Variants in PTPRO observed in about 807,000 individuals in gnomAD.
PTPRO encodes the protein protein tyrosine phosphatase receptor type O.
PTPRO carries 62 observed loss-of-function variants against 145.2 expected under a neutral mutation model. The observed-to-expected ratio is 0.43, with a 90% CI of 0.35 to 0.53. PTPRO has a LOEUF of 0.53. PTPRO is among the 20% of genes least tolerant of loss of function. PTPRO has a pLI of 0.01. For missense variants in PTPRO, 1,345 were observed against 1,482.7 expected (o/e 0.91, Z 1.53); for synonymous variants, 565 against 514.7 (o/e 1.10, Z -1.32).
intron 19 of PTPRO, among the ~76,000 whole-genome samples, chr12:15,575,311 T>C (rs11056569): frequency 0.3 from 46,328 of 152,136 alleles, 8,822 homozygotes; most frequent in African/African-American, 0.54. Context: ...AGAGGCCAGG[T>C]TCCTTCCCCA....
intron 12 of PTPRO, among the ~76,000 whole-genome samples, chr12:15,537,177 C>A (rs910744487): frequency 6.6e-6 from 1 of 151,948 alleles, no homozygotes; most frequent in South Asian, 2.1e-4. Flanking sequence ...TCCTATGAAA[C>A]CATTAAATAA....
Position 15,426,277 on chromosome 12 carries a change from C to T in PTPRO, c.76-57697C>T, listed in dbSNP as rs549678786. Among the ~76,000 whole-genome samples the T allele has an allele frequency of 2.6e-5, 4 of 151,836 alleles. No individual in the cohort carries two copies. In the South Asian group the frequency reaches 6.2e-4, roughly 24 times the overall value. ...TGCATGTCTTTCATGTATATAATTG[C>T]TATATTAAATTATCTTATTAATTCT... is the stretch of plus-strand genomic sequence containing the variant. On this transcript the variant is annotated intron_variant, in intron 1 of 26. Transcript: ENST00000281171.
At chr12:15,415,424 G>A (rs563116114) in intron 1 of PTPRO, among the ~76,000 whole-genome samples, 35 of 146,802 alleles carry the variant, frequency 2.4e-4, no homozygotes, top group Middle Eastern at 3.5e-3. Context: ...TCGCTCTGTC[G>A]CCCAGGCTGG....
At chr12:15,423,162 A>T (rs1194159383) in intron 1 of PTPRO, among the ~76,000 whole-genome samples, 1 of 152,164 alleles carries the variant, frequency 6.6e-6, no homozygotes, top group Admixed American at 6.5e-5. Flanking sequence ...AGAGAGGAGC[A>T]CTGAGCCCTG....
At chr12:15,430,395 T>C (rs546322476) in intron 1 of PTPRO, among the ~76,000 whole-genome samples, 2 of 152,180 alleles carry the variant, frequency 1.3e-5, no homozygotes, top group East Asian at 3.9e-4. Context: ...GGCAAATTCC[T>C]CCTTGACTTG....
Position 15,551,607 on chromosome 12 carries a change from C to A in PTPRO, c.2494C>A (p.Leu832Ile), listed in dbSNP as rs1943461997. 1 of 1,613,530 alleles carries A rather than the reference C, an allele frequency of 6.2e-7. No individual in the cohort carries two copies. Among genetic ancestry groups the A allele is most frequent in the African/African-American group, 1.3e-5 (1 of 74,892 alleles). Residue 832 changes from leucine to isoleucine, a missense_variant, in exon 15 of 27, where the codon CTT becomes ATT. This residue lies in a region of PTPRO where 1,130 missense variants were observed against 1,214.7 expected (regional missense o/e 0.93). Coordinates refer to ENST00000281171, the MANE Select transcript of PTPRO (RefSeq NM_030667.3). ...VISVLAILSTLLIGLLLVTLI... is the reference protein window; with the variant it reads ...VISVLAILSTILIGLLLVTLI... ...CTCCGTGCTGGCCATCCTTAGCACA[C>A]TTTTAATTGGACTGTTGCTTGTTAC...
intron 7 of PTPRO, among the ~76,000 whole-genome samples, chr12:15,509,420 G>T (rs1186315765): frequency 2.0e-5 from 3 of 151,770 alleles, no homozygotes; most frequent in Non-Finnish European, 4.4e-5. Flanking sequence ...AAGTAGGCTG[G>T]GTGTGGGGGC....
At chr12:15,424,376 C>T (rs1940226984) in intron 1 of PTPRO, among the ~76,000 whole-genome samples, 1 of 152,030 alleles carries the variant, frequency 6.6e-6, no homozygotes, top group Non-Finnish European at 1.5e-5. Flanking sequence ...AGGAATGGAT[C>T]TATTAACTAC....
chr12:15,472,019 G>A (rs1941553098), intron 1 of PTPRO, among the ~76,000 whole-genome samples: 1 of 152,224 alleles, frequency 6.6e-6, no homozygotes, highest in Non-Finnish European at 1.5e-5. Flanking sequence ...AATGTCTGCA[G>A]AGAATCATGG....
intron 1 of PTPRO, among the ~76,000 whole-genome samples, chr12:15,384,452 C>A (rs1418386644): frequency 1.3e-5 from 2 of 152,106 alleles, no homozygotes; most frequent in Non-Finnish European, 2.9e-5. Flanking sequence ...GAGGTTCTGG[C>A]TGATTTGATT....
intron 10 of PTPRO, among the ~76,000 whole-genome samples, chr12:15,523,203 T>C (rs1942763999): frequency 6.6e-6 from 1 of 152,246 alleles, no homozygotes; most frequent in South Asian, 2.1e-4. Context: ...TAGTTATGAA[T>C]GTTTGTTGTA....
At chr12:15,355,239 C>T (rs1937947855) in intron 1 of PTPRO, among the ~76,000 whole-genome samples, 1 of 152,110 alleles carries the variant, frequency 6.6e-6, no homozygotes, top group Admixed American at 6.6e-5. Context: ...TCTTTTACTC[C>T]CCAAAATCTT....
At chr12:15,588,900 A>G (rs1395036892) in intron 24 of PTPRO, among the ~76,000 whole-genome samples, 1 of 152,160 alleles carries the variant, frequency 6.6e-6, no homozygotes, top group African/African-American at 2.4e-5. Flanking sequence ...ATGCAGTGCA[A>G]ATGTCTCTCA....
At chr12:15,398,816 C>T (rs1939414370) in intron 1 of PTPRO, among the ~76,000 whole-genome samples, 1 of 151,996 alleles carries the variant, frequency 6.6e-6, no homozygotes, top group Non-Finnish European at 1.5e-5. Flanking sequence ...ATATTTGGGG[C>T]ATATCAAATC....
At chr12:15,514,009 C>T (rs1468034706) in intron 7 of PTPRO, among the ~76,000 whole-genome samples, 1 of 152,150 alleles carries the variant, frequency 6.6e-6, no homozygotes, top group African/African-American at 2.4e-5. Flanking sequence ...ATTAGAGACA[C>T]TGAAGGTCAA....
At chr12:15,562,521 G>T (rs1392211867) in intron 17 of PTPRO, among the ~76,000 whole-genome samples, 1 of 152,064 alleles carries the variant, frequency 6.6e-6, no homozygotes, top group Non-Finnish European at 1.5e-5. Flanking sequence ...TGCCACTAGT[G>T]GTTTGTGTGG....
At chr12:15,575,005 T>C (rs1430986870) in intron 19 of PTPRO, among the ~76,000 whole-genome samples, 3 of 152,046 alleles carry the variant, frequency 2.0e-5, no homozygotes, top group Non-Finnish European at 2.9e-5. Context: ...CCCAATGCAA[T>C]GGTATTTGGA....
chr12:15,351,924 A>T (rs947217266), intron 1 of PTPRO, among the ~76,000 whole-genome samples: 2 of 152,230 alleles, frequency 1.3e-5, no homozygotes, highest in African/African-American at 4.8e-5. Context: ...CAGGAAAAAC[A>T]TGTGATTTGC....
At position 15,501,692 on chromosome 12, in the gene PTPRO, G is replaced by A. The variant is rs1942224642; in HGVS notation, c.734G>A (p.Gly245Asp). The change falls in exon 5 of 27, where the codon GGC becomes GAC. Residue 245 changes from glycine (G) to aspartate (D), a missense_variant. Gly to Asp is a moderately conservative substitution (Grantham distance 94, BLOSUM62 -1). Around this residue, in one of 3 missense-constraint regions of PTPRO, gnomAD observed 1,130 missense variants for 1,214.7 expected, o/e 0.93. Transcript: ENST00000281171. ...LNKNNWEEQS[G>D]NFPEESFMRS... ...AAAAACAACTGGGAAGAACAGAGTG[G>A]CAATTTCCCAGAAGAATCCTTCATG... 4 of 1,613,748 alleles carry A rather than the reference G, an allele frequency of 2.5e-6. No individual in the cohort carries two copies. Among genetic ancestry groups the A allele is most frequent in the South Asian group, 1.1e-5 (1 of 91,060 alleles).
Sources: allele counts gnomAD v4.1 joint callset (sites outside exome capture counted in the v4.1 genomes callset), GRCh38; gene constraint gnomAD v4.1.1; regional missense constraint gnomAD v4.1.1; transcripts MANE v1.5; gene names NCBI Gene and HGNC (gene_info 2026-07-23, HGNC 2026-07-21).